PHACTR3: variants seen among roughly 807,000 people sequenced by gnomAD.
PHACTR3 encodes the protein protein phosphatase 1, regulatory subunit 123.
PHACTR3 carries 16 observed loss-of-function variants against 66.8 expected under a neutral mutation model. That is an observed-to-expected ratio of 0.24 (90% CI 0.16 to 0.36). PHACTR3 has a LOEUF of 0.36. Among genes scored for constraint, PHACTR3 ranks in the 10% least tolerant of loss-of-function variants. The pLI, the probability that PHACTR3 is intolerant of heterozygous loss-of-function variation, is 1.00. For synonymous variants in PHACTR3, 323 were observed against 292.1 expected (o/e 1.11, Z -1.08); for missense variants, 647 against 719.9 (o/e 0.90, Z 1.16).
intron 1 of PHACTR3, among the ~76,000 whole-genome samples, chr20:59,623,756 T>A (rs1042958184): frequency 2.6e-5 from 4 of 152,128 alleles, no homozygotes; most frequent in African/African-American, 9.7e-5. Flanking sequence ...AGGGGCACCG[T>A]GTGAGCATGG....
At chr20:59,615,963 C>T (rs1348303781) in intron 1 of PHACTR3, among the ~76,000 whole-genome samples, 1 of 152,110 alleles carries the variant, frequency 6.6e-6, no homozygotes, top group East Asian at 1.9e-4. Context: ...GTCAGAATCA[C>T]CTTGGAATCT....
rs2035345845 is a variant in PHACTR3, at chr20:59,648,146, G to T, written c.118+43014G>T. On this transcript the variant is annotated intron_variant, in intron 1 of 12. Coordinates refer to ENST00000371015, the MANE Select transcript of PHACTR3 (RefSeq NM_080672.5). The stretch of plus-strand genomic sequence containing the variant: ...CACCGTTTTGTGATTAGTCCAGGGG[G>T]AGTTTGGCTTCAGGCCCATTGACCA... Among the ~76,000 whole-genome samples the T allele has an allele frequency of 2.6e-5, 4 of 152,194 alleles. No individual in the cohort carries two copies. The East Asian group carries it at 5.8e-4, about 22-fold the overall frequency.
At chr20:59,749,847 C>T (rs1196358240) in intron 3 of PHACTR3, among the ~76,000 whole-genome samples, 1 of 151,842 alleles carries the variant, frequency 6.6e-6, no homozygotes, top group Non-Finnish European at 1.5e-5. Context: ...CTTTTGTCAA[C>T]CATTTAAAGA....
At position 59,774,304 on chromosome 20, in the gene PHACTR3, A is replaced by G. The variant is rs1371140097; in HGVS notation, c.988A>G (p.Thr330Ala). Residue 330 changes from threonine (T) to alanine (A), a missense_variant, in exon 7 of 13, where the codon ACG becomes GCG. Coordinates refer to ENST00000371015, the MANE Select transcript of PHACTR3 (RefSeq NM_080672.5). ...GCGGCTGGATGTCCGTCTGTCGAGA[A>G]CGTCCAGCGTGGAGCGGGGCAAGGA... ...KKRLDVRLSR[T>A]SSVERGKERE... 1 of 1,613,298 alleles carries G rather than the reference A, an allele frequency of 6.2e-7. No individual in the cohort carries two copies. The highest frequency in any genetic ancestry group is 8.5e-7 in the Non-Finnish European group (1 of 1,179,848).
intron 7 of PHACTR3, among the ~76,000 whole-genome samples, chr20:59,780,173 G>A (rs987645227): frequency 2.6e-5 from 4 of 152,236 alleles, no homozygotes; most frequent in Admixed American, 1.3e-4. Context: ...CCAGCTGCCT[G>A]TGCTGCTGCT....
intron 1 of PHACTR3, among the ~76,000 whole-genome samples, chr20:59,583,245 G>T (rs2032913055): frequency 6.6e-6 from 1 of 152,212 alleles, no homozygotes; most frequent in Non-Finnish European, 1.5e-5. Context: ...TTAACCCAGG[G>T]ATCTGTTGAT....
intron 1 of PHACTR3, among the ~76,000 whole-genome samples, chr20:59,618,045 G>C (rs193293756): frequency 5.1e-4 from 77 of 152,378 alleles, no homozygotes; most frequent in Non-Finnish European, 9.1e-4. Flanking sequence ...CTGGGGATCT[G>C]AGGGAAGGGT....
intron 7 of PHACTR3, among the ~76,000 whole-genome samples, chr20:59,799,932 T>A (rs1287587451): frequency 1.3e-5 from 2 of 152,186 alleles, no homozygotes; most frequent in African/African-American, 4.8e-5. Flanking sequence ...CTTTATCTCC[T>A]CTGTTGGCTT....
At chr20:59,677,092 G>A (rs1171076947) in intron 1 of PHACTR3, among the ~76,000 whole-genome samples, 2 of 152,154 alleles carry the variant, frequency 1.3e-5, no homozygotes, top group Middle Eastern at 3.4e-3. Context: ...TATTACTTCT[G>A]GGCTAAAAAT....
chr20:59,730,926 T>C (rs1373124408), intron 1 of PHACTR3, among the ~76,000 whole-genome samples: 1 of 152,126 alleles, frequency 6.6e-6, no homozygotes, highest in Admixed American at 6.5e-5. Context: ...CATTTGCCAA[T>C]TCCTGACCTA....
At chr20:59,611,246 G>T (rs1182876692) in intron 1 of PHACTR3, among the ~76,000 whole-genome samples, 3 of 152,262 alleles carry the variant, frequency 2.0e-5, no homozygotes, top group Non-Finnish European at 4.4e-5. Context: ...TTAACAATGA[G>T]TAAATTTTGA....
chr20:59,725,730 A>ACTC (rs1294866065), intron 1 of PHACTR3, among the ~76,000 whole-genome samples: 1 of 152,040 alleles, frequency 6.6e-6, no homozygotes, highest in African/African-American at 2.4e-5. Context: ...CCCTGAGGGT[A>ACTC]CTCTGAGCAT....
At chr20:59,675,359 G>C (rs2036419803) in intron 1 of PHACTR3, among the ~76,000 whole-genome samples, 1 of 152,116 alleles carries the variant, frequency 6.6e-6, no homozygotes, top group Admixed American at 6.5e-5. Context: ...ACTACAATGT[G>C]CTGGGAGCAG....
intron 1 of PHACTR3, among the ~76,000 whole-genome samples, chr20:59,721,750 A>C (rs2038310142): frequency 1.3e-5 from 2 of 152,152 alleles, no homozygotes; most frequent in Admixed American, 1.3e-4. Context: ...TCCCATCCTG[A>C]GGGCGGAGGA....
At chr20:59,763,337 A>T (rs1367393319) in intron 4 of PHACTR3, among the ~76,000 whole-genome samples, 1 of 152,172 alleles carries the variant, frequency 6.6e-6, no homozygotes. Context: ...TTTCTTTATA[A>T]GTTACTCAGT....
chr20:59,658,458 G>A (rs2035698660), intron 1 of PHACTR3, among the ~76,000 whole-genome samples: 1 of 151,686 alleles, frequency 6.6e-6, no homozygotes, highest in African/African-American at 2.4e-5. Flanking sequence ...CTCTGAGCTT[G>A]CCATTGTTGT....
At chr20:59,579,978 C>T (rs555419268) in intron 1 of PHACTR3, among the ~76,000 whole-genome samples, 46 of 152,190 alleles carry the variant, frequency 3.0e-4, no homozygotes, top group Non-Finnish European at 5.6e-4. Flanking sequence ...AGAGGAAGCG[C>T]GCATTCCGTG....
At chr20:59,662,327 G>A (rs2035835634) in intron 1 of PHACTR3, among the ~76,000 whole-genome samples, 1 of 152,178 alleles carries the variant, frequency 6.6e-6, no homozygotes, top group South Asian at 2.1e-4. Flanking sequence ...GGGGGACACA[G>A]AGGCGGATTC....
intron 1 of PHACTR3, among the ~76,000 whole-genome samples, chr20:59,597,074 C>T (rs2033346983): frequency 6.6e-6 from 1 of 152,194 alleles, no homozygotes; most frequent in African/African-American, 2.4e-5. Context: ...GCCGGGGTTG[C>T]TGGTAGAGAT....
Sources: allele counts gnomAD v4.1 joint callset (sites outside exome capture counted in the v4.1 genomes callset), GRCh38; gene constraint gnomAD v4.1.1; transcripts MANE v1.5; gene names NCBI Gene and HGNC (gene_info 2026-07-23, HGNC 2026-07-21).